The following SLC9A9 variants were observed in gnomAD, a reference collection of about 807,000 sequenced individuals.
SLC9A9 encodes solute carrier family 9 member A9, also known as sodium/hydrogen exchanger 9.
Under a neutral mutation model 77.8 loss-of-function variants are expected in SLC9A9, and 62 were observed. The ratio of observed to expected loss-of-function variants is 0.80; its 90% confidence interval spans 0.65 to 0.98. The LOEUF (loss-of-function observed/expected upper bound fraction) is 0.98. SLC9A9 is among the 50% of genes least tolerant of loss of function. SLC9A9 has a pLI of 0.00. For synonymous variants in SLC9A9, 320 were observed against 283.5 expected, an observed-to-expected ratio of 1.13 and a Z score of -1.29; for missense variants, 775 against 774.9, an observed-to-expected ratio of 1.00 and a Z score of 0.00.
chr3:143,466,930 T>C, intron 12 of SLC9A9, 107 bp downstream of exon 12: 12 of 1,397,948 alleles, frequency 8.6e-6, no homozygotes, highest in Non-Finnish European at 1.2e-5. Context: ...GCTGGGAAAG[T>C]TAGGGTAGGA....
intron 4 of SLC9A9, among the ~76,000 whole-genome samples, chr3:143,794,797 T>C (rs1219238846): frequency 6.6e-6 from 1 of 152,130 alleles, no homozygotes; most frequent in African/African-American, 2.4e-5. Context: ...ACAGAGAAAG[T>C]CCAGCAATCC....
chr3:143,475,994 T>C (rs968040197), intron 11 of SLC9A9, among the ~76,000 whole-genome samples: 5 of 97,358 alleles, frequency 5.1e-5, no homozygotes, highest in Non-Finnish European at 9.2e-5. Flanking sequence ...TCTGAAGAAG[T>C]TGATTTAAAA....
At chr3:143,518,224 G>A (rs2036236103) in intron 9 of SLC9A9, 11 of 1,596,332 alleles carry the variant, frequency 6.9e-6, no homozygotes, top group Non-Finnish European at 9.3e-6. Context: ...CTTTGCGGGG[G>A]TCCATGGCAG....
At chr3:143,438,424 G>A (rs999923617) in intron 12 of SLC9A9, among the ~76,000 whole-genome samples, 11 of 120,806 alleles carry the variant, frequency 9.1e-5, no homozygotes, top group South Asian at 2.5e-4. Context: ...TCTCCCTGGC[G>A]TGTGTGTGTG....
At chr3:143,623,865 T>A (rs2038267565) in intron 6 of SLC9A9, among the ~76,000 whole-genome samples, 1 of 152,088 alleles carries the variant, frequency 6.6e-6, no homozygotes, top group African/African-American at 2.4e-5. Context: ...GACAGACCGC[T>A]AGTAAGACTA....
At chr3:143,411,923 A>G (rs1442456139) in intron 12 of SLC9A9, among the ~76,000 whole-genome samples, 1 of 152,096 alleles carries the variant, frequency 6.6e-6, no homozygotes, top group Non-Finnish European at 1.5e-5. Context: ...GCCAGTGAAC[A>G]ACAAGCAGAC....
intron 12 of SLC9A9, among the ~76,000 whole-genome samples, chr3:143,399,722 T>C (rs2033808722): frequency 6.6e-6 from 1 of 152,194 alleles, no homozygotes; most frequent in South Asian, 2.1e-4. Context: ...TGTTTTGGCC[T>C]ATCATTCTAG....
At chr3:143,797,113 C>T (rs2008406000) in intron 2 of SLC9A9, among the ~76,000 whole-genome samples, 1 of 150,812 alleles carries the variant, frequency 6.6e-6, no homozygotes, top group Non-Finnish European at 1.5e-5. Context: ...AATCTACATA[C>T]TTCCACACTA....
chr3:143,449,590 AATATAATTATATAAAATATAATAATTAT>A lies in SLC9A9; in HGVS notation c.1469+17419_1469+17446del, dbSNP rs1559921239. On this transcript the variant is annotated intron_variant, in intron 12 of 15. Coordinates refer to ENST00000316549, the MANE Select transcript of SLC9A9 (RefSeq NM_173653.4). ...TAATTATAATTATATAATTATATAA[AATATAATTATATAAAATATAATAATTAT>A]ATAATTATATAAAATATAATTATAT... Among the ~76,000 whole-genome samples, 59 of 19,644 alleles carry A rather than the reference AATATAATTATATAAAATATAATAATTAT, an allele frequency of 3.0e-3. 7 individuals are homozygous for A. Among genetic ancestry groups the A allele is most frequent in the African/African-American group, 6.4e-3 (20 of 3,112 alleles). The allele number at this position is 19,644 out of a possible 152,430, so 12.9% of individuals were successfully genotyped here.
rs563935818 is a variant in SLC9A9 at position 143,357,036 on chromosome 3, G to A, written c.1604+6448C>T. Among the ~76,000 whole-genome samples the A allele has an allele frequency of 5.9e-5, 9 of 152,340 alleles. No homozygotes were observed. The South Asian group carries it at 1.7e-3, about 28-fold the overall frequency. On this transcript the variant is annotated intron_variant, in intron 14 of 15. Coordinates refer to ENST00000316549, the MANE Select transcript of SLC9A9 (RefSeq NM_173653.4). ...CTCCTCCCTACAGCCAGCTTCCCAG[G>A]AGAAGCAGTTATAATGCCATGTGCA...
intron 6 of SLC9A9, among the ~76,000 whole-genome samples, chr3:143,597,342 G>C (rs138166819): frequency 1.3e-5 from 2 of 152,216 alleles, no homozygotes; most frequent in Non-Finnish European, 2.9e-5. Flanking sequence ...GGCGTCCAGA[G>C]AAAGAGAGAG....
chr3:143,379,870 A>G (rs909613088), intron 13 of SLC9A9, among the ~76,000 whole-genome samples: 1 of 152,200 alleles, frequency 6.6e-6, no homozygotes, highest in East Asian at 1.9e-4. Context: ...GGTTTTGACT[A>G]TCTGCTCTTA....
At chr3:143,436,333 G>A (rs1029680672) in intron 12 of SLC9A9, among the ~76,000 whole-genome samples, 2 of 152,166 alleles carry the variant, frequency 1.3e-5, no homozygotes, top group African/African-American at 4.8e-5. Flanking sequence ...AGACGTTGAC[G>A]GTGAAAATTT....
At chr3:143,784,728 G>A (rs770139342) in intron 4 of SLC9A9, among the ~76,000 whole-genome samples, 1 of 151,924 alleles carries the variant, frequency 6.6e-6, no homozygotes, top group Non-Finnish European at 1.5e-5. Context: ...CCCTTCTTAT[G>A]GTAGATTATT....
rs577604407 is a variant in SLC9A9, at chr3:143,311,129, T to G, written c.1605-42149A>C. Among the ~76,000 whole-genome samples the G allele has an allele frequency of 4.6e-5, 7 of 152,358 alleles. 1 individual carries two copies. In the South Asian group the frequency reaches 1.4e-3, roughly 32 times the overall value. On this transcript the variant is annotated intron_variant, in intron 14 of 15. Transcript: ENST00000316549. ...CAATGGGAGATAGTGGTCTTTTCTT[T>G]AAAAGCAAGTCCATTGTGTATCAGT...
At chr3:143,734,923 A>G (rs1934901720) in intron 4 of SLC9A9, among the ~76,000 whole-genome samples, 1 of 152,180 alleles carries the variant, frequency 6.6e-6, no homozygotes, top group Non-Finnish European at 1.5e-5. Flanking sequence ...TGGCTAAGGC[A>G]TAATAAAGAC....
intron 6 of SLC9A9, among the ~76,000 whole-genome samples, chr3:143,591,795 A>T (rs1242546631): frequency 6.6e-6 from 1 of 152,208 alleles, no homozygotes; most frequent in East Asian, 1.9e-4. Flanking sequence ...AAGTACCAAG[A>T]GGATGGTTTT....
rs139629832 is a variant in SLC9A9, at chr3:143,617,371, A to C, written c.755+34884T>G. On this transcript the variant is annotated intron_variant, in intron 6 of 15. Coordinates refer to ENST00000316549, the MANE Select transcript of SLC9A9 (RefSeq NM_173653.4). ...TGCCATCAAAACCCTATGGCCCATA[A>C]AGCCTAAAATATTTACCATCTAGCC... Among the ~76,000 whole-genome samples the C allele has an allele frequency of 6.4e-4, 98 of 152,320 alleles. No homozygotes were observed. In the East Asian group the frequency reaches 0.017, roughly 26 times the overall value.
At chr3:143,801,149 C>A (rs2008541506) in intron 2 of SLC9A9, among the ~76,000 whole-genome samples, 1 of 152,214 alleles carries the variant, frequency 6.6e-6, no homozygotes, top group African/African-American at 2.4e-5. Flanking sequence ...ACTGCTCCCA[C>A]ACTAGCTCTC....
Sources: gnomAD v4.1 joint callset for allele counts (sites outside exome capture counted in the v4.1 genomes callset) on GRCh38, gnomAD v4.1.1 for gene constraint, MANE v1.5 for transcripts, NCBI Gene and HGNC (gene_info 2026-07-23, HGNC 2026-07-21) for gene names.